Variants in NSRP1 observed in about 807,000 individuals in gnomAD.
The protein encoded by NSRP1 is nuclear speckle splicing regulatory protein 1.
NSRP1 carries 24 observed loss-of-function variants against 54.7 expected under a neutral mutation model. The observed-to-expected ratio is 0.44, with a 90% CI of 0.32 to 0.62. NSRP1 has a LOEUF of 0.62. Among genes scored for constraint, NSRP1 ranks in the 20% least tolerant of loss-of-function variants. The pLI is 0.06. For synonymous variants in NSRP1, 210 were observed against 213.8 expected (o/e 0.98, Z 0.15); for missense variants, 596 against 651.2 (o/e 0.92, Z 0.92).
At chr17:30,133,390 C>T (rs890376335) in intron 2 of NSRP1, among the ~76,000 whole-genome samples, 33 of 151,954 alleles carry the variant, frequency 2.2e-4, no homozygotes, top group African/African-American at 7.2e-4. Context: ...CGTGATAACC[C>T]GATGCATTGT....
At chr17:30,119,028 G>C (rs188328313) in intron 2 of NSRP1, among the ~76,000 whole-genome samples, 1 of 151,742 alleles carries the variant, frequency 6.6e-6, no homozygotes, top group East Asian at 1.9e-4. Flanking sequence ...GATTACAGGC[G>C]TAAGCCACCG....
At chr17:30,123,447 T>C (rs564275462) in intron 2 of NSRP1, among the ~76,000 whole-genome samples, 2 of 152,242 alleles carry the variant, frequency 1.3e-5, no homozygotes, top group Admixed American at 6.5e-5. Context: ...TGTCATTTTA[T>C]TATGGATTGT....
chr17:30,133,368 T>C (rs556539923), intron 2 of NSRP1, among the ~76,000 whole-genome samples: 2 of 152,280 alleles, frequency 1.3e-5, no homozygotes, highest in East Asian at 3.9e-4. Context: ...CTTGTACATC[T>C]CTGTCAGAGC....
Position 30,163,237 on chromosome 17 carries a change from GTGTGTGTGTGTT to G in NSRP1, c.115-9303_115-9292del, listed in dbSNP as rs1307458325. 9.6e-4 allele frequency: 97 copies of G among 101,100 alleles called. 1 individual carries two copies. The highest frequency in any genetic ancestry group is 3.1e-3 in the African/African-American group (94 of 30,144). 6.3% of individuals were successfully genotyped at this position (101,100 alleles called of 1,614,324 possible). ...TGTGTGTGTGTGTGTGTGTGTGTGT[GTGTGTGTGTGTT>G]TTTAGTAGAGACGGGGTTTTACCAT... On this transcript the variant is annotated intron_variant, in intron 2 of 6. Coordinates refer to ENST00000247026, the MANE Select transcript of NSRP1 (RefSeq NM_032141.4).
intron 2 of NSRP1, among the ~76,000 whole-genome samples, chr17:30,142,695 G>A (rs9908901): frequency 0.5 from 75,452 of 151,898 alleles, 19,293 homozygotes; most frequent in East Asian, 0.82. Context: ...CTATATTGCT[G>A]CAATAATAAT....
chr17:30,150,514 C>A (rs1041407425), intron 2 of NSRP1: 1 of 151,958 alleles, frequency 6.6e-6, no homozygotes, highest in African/African-American at 2.4e-5. Flanking sequence ...TCCCAAGTAG[C>A]TGGGACTATA....
At chr17:30,171,972 A>ACACACTCTCT (rs1169988659) in intron 2 of NSRP1, among the ~76,000 whole-genome samples, 2 of 46,580 alleles carry the variant, frequency 4.3e-5, no homozygotes, top group African/African-American at 6.2e-5. Context: ...ACACACACAC[A>ACACACTCTCT]CTCCCTCTCT....
At chr17:30,149,834 CA>C (rs773066888) in intron 2 of NSRP1, among the ~76,000 whole-genome samples, 786 of 98,686 alleles carry the variant, frequency 8.0e-3, no homozygotes, top group Admixed American at 0.011. Context: ...GACCCTGTCT[CA>C]AAAAAAAAAA....
At chr17:30,180,345 G>A (rs556405625) in intron 5 of NSRP1, among the ~76,000 whole-genome samples, 4 of 152,028 alleles carry the variant, frequency 2.6e-5, no homozygotes, top group East Asian at 1.9e-4. Context: ...TTATAGAGAC[G>A]GAGTTTTACC....
chr17:30,175,692 G>T (rs1444537733), intron 3 of NSRP1, among the ~76,000 whole-genome samples: 1 of 152,052 alleles, frequency 6.6e-6, no homozygotes, highest in Non-Finnish European at 1.5e-5. Context: ...GGCATGAGTT[G>T]CCACACCCAG....
At chr17:30,180,812 A>C (rs1905266699) in intron 5 of NSRP1, 96 bp from the exon 6 acceptor site, 1 of 746,338 alleles carries the variant, frequency 1.3e-6, no homozygotes, top group Non-Finnish European at 2.3e-6. Flanking sequence ...TCCAGCGAGT[A>C]GTTTACACAC....
intron 2 of NSRP1, among the ~76,000 whole-genome samples, chr17:30,153,328 C>G (rs2071931752): frequency 6.6e-6 from 1 of 152,036 alleles, no homozygotes; most frequent in Non-Finnish European, 1.5e-5. Flanking sequence ...TTCTCTCTCT[C>G]ATTTAATAGG....
At chr17:30,176,231 G>C (rs1430183039) in intron 3 of NSRP1, among the ~76,000 whole-genome samples, 1 of 151,794 alleles carries the variant, frequency 6.6e-6, no homozygotes, top group African/African-American at 2.4e-5. Context: ...CTTTATTTAT[G>C]TTGCAACATA....
At chr17:30,157,710 A>C (rs80099953) in intron 2 of NSRP1, among the ~76,000 whole-genome samples, 1 of 151,956 alleles carries the variant, frequency 6.6e-6, no homozygotes, top group East Asian at 1.9e-4. Flanking sequence ...TCTATACTCT[A>C]TGTCCATGAG....
chr17:30,139,521 C>G (rs916125511), intron 2 of NSRP1, among the ~76,000 whole-genome samples: 6 of 152,034 alleles, frequency 3.9e-5, no homozygotes, highest in African/African-American at 1.5e-4. Flanking sequence ...GGTCTTTAAT[C>G]CATTTTGACA....
intron 2 of NSRP1, among the ~76,000 whole-genome samples, chr17:30,133,255 G>C (rs2071718509): frequency 6.6e-6 from 1 of 151,752 alleles, no homozygotes; most frequent in Non-Finnish European, 1.5e-5. Context: ...ACCTGGCCTT[G>C]AAATGTATTT....
chr17:30,118,749 CTTTT>C (rs570877718), intron 2 of NSRP1, among the ~76,000 whole-genome samples: 2 of 138,582 alleles, frequency 1.4e-5, no homozygotes, highest in Non-Finnish European at 1.6e-5. Flanking sequence ...TTTCTTTTCT[CTTTT>C]TTTTTTTTTT....
At chr17:30,125,237 A>C (rs1433228921) in intron 2 of NSRP1, among the ~76,000 whole-genome samples, 1 of 152,244 alleles carries the variant, frequency 6.6e-6, no homozygotes, top group African/African-American at 2.4e-5. Context: ...TTGACTATAT[A>C]TTAAAATCTC....
At position 30,141,009 on chromosome 17, in the gene NSRP1, T is replaced by A. The variant is rs2071800255; in HGVS notation, c.114+22836T>A. Among the ~76,000 whole-genome samples, 3 of 152,212 alleles carry A rather than the reference T, an allele frequency of 2.0e-5. No homozygotes were observed. The South Asian group carries it at 6.2e-4, about 32-fold the overall frequency. ...AAAAGAAAAAATTGTTTTGTAGAGA[T>A]GAGGTCTTGCTGTGTTGTCCAGGCT... On this transcript the variant is annotated intron_variant, in intron 2 of 6. Transcript: ENST00000247026.
Sources: allele counts gnomAD v4.1 joint callset (sites outside exome capture counted in the v4.1 genomes callset), GRCh38; gene constraint gnomAD v4.1.1; transcripts MANE v1.5; gene names NCBI Gene and HGNC (gene_info 2026-07-23, HGNC 2026-07-21).